Variants in CUX1 observed in about 807,000 individuals in gnomAD.
CUX1 encodes cut like homeobox 1, also known as protein CASP.
CUX1 carries 31 observed loss-of-function variants against 158.8 expected under a neutral mutation model. The observed-to-expected ratio is 0.20, with a 90% CI of 0.15 to 0.26. CUX1 has a LOEUF of 0.26. Among genes scored for constraint, CUX1 ranks in the 10% least tolerant of loss-of-function variants. The probability of loss-of-function intolerance (pLI) is 1.00; values close to 1 mark genes in which losing one functional copy is unlikely to be tolerated. For synonymous variants in CUX1, 879 were observed against 862.1 expected (o/e 1.02, Z -0.34); for missense variants, 1,589 against 2,014.6 (o/e 0.79, Z 4.04).
At chr7:101,918,723 C>T (rs913697447) in intron 2 of CUX1, among the ~76,000 whole-genome samples, 1 of 152,262 alleles carries the variant, frequency 6.6e-6, no homozygotes, top group Non-Finnish European at 1.5e-5. Context: ...CAAGACGAGA[C>T]CCACTTCACT....
intron 1 of CUX1, among the ~76,000 whole-genome samples, chr7:101,831,734 T>TTTA (rs10654094): frequency 7.5e-4 from 111 of 147,410 alleles, no homozygotes; most frequent in Middle Eastern, 3.5e-3. Flanking sequence ...GAGAAATAAC[T>TTTA]TTATTATTAT....
chr7:102,200,001 C>A (rs570625091), intron 16 of CUX1, 70 bp from the exon 17 acceptor site: 36 of 1,325,478 alleles, frequency 2.7e-5, no homozygotes, highest in Non-Finnish European at 3.8e-5. Flanking sequence ...ATCAGAATGA[C>A]GTCTTCGCGC....
intron 1 of CUX1, among the ~76,000 whole-genome samples, chr7:101,885,884 G>T (rs1020519723): frequency 1.3e-5 from 2 of 152,214 alleles, no homozygotes; most frequent in African/African-American, 4.8e-5. Context: ...GTGCTACTCG[G>T]TCTCTCCCCA....
At chr7:101,974,200 A>G (rs1812370254) in intron 2 of CUX1, among the ~76,000 whole-genome samples, 1 of 151,970 alleles carries the variant, frequency 6.6e-6, no homozygotes, top group African/African-American at 2.4e-5. Flanking sequence ...CCAAGTATCA[A>G]ATTCTCATTT....
intron 1 of CUX1, among the ~76,000 whole-genome samples, chr7:101,907,114 A>G (rs950749740): frequency 1.3e-5 from 2 of 152,214 alleles, no homozygotes; most frequent in African/African-American, 4.8e-5. Flanking sequence ...TTTGGGAAAT[A>G]TGAGGTTAGA....
intron 5 of CUX1, among the ~76,000 whole-genome samples, chr7:102,101,321 T>C (rs1554486290): frequency 6.6e-6 from 1 of 152,178 alleles, no homozygotes; most frequent in East Asian, 1.9e-4. Context: ...TTTAGATTCC[T>C]CTCTGTTATG....
In CUX1 at chr7:102,256,537, A is replaced by G; in HGVS notation, c.*7495A>G. On this transcript the variant is annotated 3_prime_UTR_variant, in exon 24 of 24. Coordinates refer to ENST00000292535, the MANE Select transcript of CUX1 (RefSeq NM_181552.4). ...AGAGGGGGTTTCCCCAGCAAAATCA[A>G]ACACCTGTCTCCAGAGTAGCCACTC... 4 of 985,430 alleles carry G rather than the reference A, an allele frequency of 4.1e-6. No individual in the cohort carries two copies. The South Asian group carries it at 1.9e-4, about 46-fold the overall frequency. The allele number at this position is 985,430 out of a possible 1,614,324, so 61.0% of individuals were successfully genotyped here.
At chr7:102,028,513 G>T (rs12671456) in intron 3 of CUX1, among the ~76,000 whole-genome samples, 30,244 of 152,198 alleles carry the variant, frequency 0.2, 3,536 homozygotes, top group East Asian at 0.6. Context: ...ACTGCCATGA[G>T]TGTGTGCCAT....
At chr7:102,156,516 C>T (rs1448399023) in intron 8 of CUX1, among the ~76,000 whole-genome samples, 1 of 152,172 alleles carries the variant, frequency 6.6e-6, no homozygotes, top group Admixed American at 6.5e-5. Context: ...GAGAATGGCA[C>T]CAAGCCATTC....
chr7:101,824,093 T>C (rs1045049759), intron 1 of CUX1, among the ~76,000 whole-genome samples: 7 of 152,242 alleles, frequency 4.6e-5, no homozygotes, highest in Non-Finnish European at 7.3e-5. Flanking sequence ...CAACTCTTTT[T>C]ATTTTATTTT....
At chr7:101,850,619 A>G (rs771273399) in intron 1 of CUX1, among the ~76,000 whole-genome samples, 3 of 151,088 alleles carry the variant, frequency 2.0e-5, no homozygotes, top group South Asian at 2.1e-4. Context: ...GGCTCAAGCA[A>G]TCCTCCCGCC....
Position 102,250,309 on chromosome 7 carries a change from A to T in CUX1, c.*1267A>T. 1 of 985,454 alleles carries T rather than the reference A, an allele frequency of 1.0e-6. No homozygotes were observed. Among genetic ancestry groups the T allele is most frequent in the Non-Finnish European group, 1.2e-6 (1 of 829,972 alleles). The allele number at this position is 985,454 out of a possible 1,614,324, so 61.0% of individuals were successfully genotyped here. A position where few individuals can be genotyped will look rare whatever the true frequency, so the allele number is the denominator to read the frequency against. On this transcript the variant is annotated 3_prime_UTR_variant, in exon 24 of 24. Transcript: ENST00000292535. ...GCACAGCAGGCAGTTCCAGGGCCAG[A>T]CGGGCCCATCCCCAAGTAGATAGCA...
At chr7:101,890,319 G>A (rs544698353) in intron 1 of CUX1, among the ~76,000 whole-genome samples, 1 of 142,638 alleles carries the variant, frequency 7.0e-6, no homozygotes, top group South Asian at 2.1e-4. Flanking sequence ...GGCCAGGGAA[G>A]GGGACAGGGT....
At chr7:102,164,627 A>G (rs1015614186) in intron 9 of CUX1, among the ~76,000 whole-genome samples, 1 of 152,216 alleles carries the variant, frequency 6.6e-6, no homozygotes, top group Non-Finnish European at 1.5e-5. Context: ...CTGGTGCAGC[A>G]TCAGCGTGGG....
In CUX1 at chr7:101,890,563, G is replaced by A. The variant is rs925402764; in HGVS notation, c.31-25552G>A. ...TGTTCTTGGGATCAGAGTGATACACGCGCCTTACATTTTTTTTAAGCTGCT... is the reference window on the plus strand; with the variant it reads ...TGTTCTTGGGATCAGAGTGATACACACGCCTTACATTTTTTTTAAGCTGCT... On this transcript the variant is annotated intron_variant, in intron 1 of 23. Coordinates refer to ENST00000292535, the MANE Select transcript of CUX1 (RefSeq NM_181552.4). Among the ~76,000 whole-genome samples the A allele has an allele frequency of 9.9e-5, 15 of 152,068 alleles. 1 individual carries two copies. Among genetic ancestry groups the A allele is most frequent in the Non-Finnish European group, 1.3e-4 (9 of 68,030 alleles).
At chr7:101,950,319 T>G (rs1280177332) in intron 2 of CUX1, among the ~76,000 whole-genome samples, 1 of 152,018 alleles carries the variant, frequency 6.6e-6, no homozygotes, top group Non-Finnish European at 1.5e-5. Flanking sequence ...CCAGAAGACT[T>G]ATATTTTATG....
At chr7:102,149,475 G>A (rs1554503000) in intron 8 of CUX1, among the ~76,000 whole-genome samples, 2 of 145,898 alleles carry the variant, frequency 1.4e-5, no homozygotes, top group South Asian at 2.1e-4. Context: ...GTGTGCTAGC[G>A]AGAAGGGAGT....
chr7:101,820,175 GGA>G (rs1396607555), intron 1 of CUX1, among the ~76,000 whole-genome samples: 1 of 152,168 alleles, frequency 6.6e-6, no homozygotes, highest in African/African-American at 2.4e-5. Flanking sequence ...CTGTGTCTTA[GGA>G]GAGAACACAA....
chr7:101,923,466 G>T (rs1805208647), intron 2 of CUX1, among the ~76,000 whole-genome samples: 1 of 152,146 alleles, frequency 6.6e-6, no homozygotes, highest in South Asian at 2.1e-4. Flanking sequence ...ACGTCAGTCG[G>T]CCCAGTCCTA....
Sources: allele counts gnomAD v4.1 joint callset (sites outside exome capture counted in the v4.1 genomes callset), GRCh38; gene constraint gnomAD v4.1.1; transcripts MANE v1.5; gene names NCBI Gene and HGNC (gene_info 2026-07-23, HGNC 2026-07-21).